TRAPPC9: variants seen among roughly 807,000 people sequenced by gnomAD.
TRAPPC9 encodes the protein IKK2 binding protein.
A neutral mutation model predicts 124.0 loss-of-function variants in TRAPPC9; 83 were observed. That is an observed-to-expected ratio of 0.67 (90% CI 0.56 to 0.80). TRAPPC9 has a LOEUF of 0.80. Ranked by LOEUF, TRAPPC9 falls within the 30% of genes least tolerant of loss-of-function variation. The probability of loss-of-function intolerance (pLI) is 0.00; values close to 1 mark genes in which losing one functional copy is unlikely to be tolerated. For missense variants in TRAPPC9, 1,302 were observed against 1,508.3 expected (o/e 0.86, Z 2.27); for synonymous variants, 638 against 617.5 (o/e 1.03, Z -0.49).
chr8:140,092,619 T>G (rs2130203203), intron 17 of TRAPPC9, among the ~76,000 whole-genome samples: 1 of 152,346 alleles, frequency 6.6e-6, no homozygotes, highest in Non-Finnish European at 1.5e-5. Flanking sequence ...AACCACAGAC[T>G]GACTGGCCCC....
intron 17 of TRAPPC9, among the ~76,000 whole-genome samples, chr8:140,219,830 A>C (rs776714728): frequency 6.6e-6 from 1 of 152,238 alleles, no homozygotes; most frequent in African/African-American, 2.4e-5. Context: ...GAGGGCCCCC[A>C]TGAGCCACTG....
intron 17 of TRAPPC9, among the ~76,000 whole-genome samples, chr8:140,043,626 G>C (rs920204274): frequency 7.9e-5 from 12 of 152,156 alleles, no homozygotes; most frequent in African/African-American, 2.7e-4. Flanking sequence ...CCAGCCTACA[G>C]CAGGGTCACC....
chr8:139,915,085 C>T (rs777282848), intron 19 of TRAPPC9, among the ~76,000 whole-genome samples: 3 of 152,202 alleles, frequency 2.0e-5, no homozygotes, highest in African/African-American at 4.8e-5. Flanking sequence ...GAACTGACGG[C>T]GAAGGCACCT....
At chr8:140,006,234 G>T (rs1838738958) in intron 18 of TRAPPC9, among the ~76,000 whole-genome samples, 1 of 152,140 alleles carries the variant, frequency 6.6e-6, no homozygotes, top group Non-Finnish European at 1.5e-5. Flanking sequence ...CATTATTGAA[G>T]ACAGTAAGGA....
chr8:140,261,560 G>A (rs1287710712), intron 15 of TRAPPC9, among the ~76,000 whole-genome samples: 1 of 152,198 alleles, frequency 6.6e-6, no homozygotes, highest in Admixed American at 6.5e-5. Flanking sequence ...AAGACTTGCT[G>A]TCCTAGTAGC....
intron 21 of TRAPPC9, among the ~76,000 whole-genome samples, chr8:139,756,723 G>T (rs1366409095): frequency 7.1e-5 from 9 of 126,262 alleles, no homozygotes; most frequent in African/African-American, 1.3e-4. Context: ...GAGGACAGCA[G>T]GTCGCAGGAG....
chr8:140,222,376 T>A (rs2131326989), intron 16 of TRAPPC9, among the ~76,000 whole-genome samples: 1 of 152,340 alleles, frequency 6.6e-6, no homozygotes, highest in East Asian at 1.9e-4. Flanking sequence ...TCTCTGCATC[T>A]CACGTCGCAT....
In TRAPPC9 at chr8:139,924,217, G is replaced by A. The variant is rs142775902; in HGVS notation, c.2811-13917C>T. ...TGAAGTGTTTTCTTGCTGTGAAGGT[G>A]AAGGACAATAATGCCAACCTGAGAG... On this transcript the variant is annotated intron_variant, in intron 19 of 22. Transcript: ENST00000438773. Among the ~76,000 whole-genome samples the A allele has an allele frequency of 3.3e-5, 5 of 152,330 alleles. No individual in the cohort carries two copies. In the East Asian group the frequency reaches 9.7e-4, roughly 29 times the overall value.
chr8:140,175,203 G>A (rs2062038901), intron 17 of TRAPPC9, among the ~76,000 whole-genome samples: 1 of 151,796 alleles, frequency 6.6e-6, no homozygotes, highest in African/African-American at 2.4e-5. Context: ...CAGCTAACAG[G>A]AAAATCAGCC....
chr8:140,279,525 TCCAAATCG>T (rs2065237610), intron 14 of TRAPPC9, among the ~76,000 whole-genome samples: 1 of 152,174 alleles, frequency 6.6e-6, no homozygotes, highest in Non-Finnish European at 1.5e-5. Context: ...ACATTTTAAC[TCCAAATCG>T]GTTCCACTGG....
At chr8:139,887,703 A>G (rs922022020) in intron 20 of TRAPPC9, among the ~76,000 whole-genome samples, 2 of 152,194 alleles carry the variant, frequency 1.3e-5, no homozygotes, top group Non-Finnish European at 2.9e-5. Flanking sequence ...AACCCTCCAG[A>G]AAGTGTGCAT....
intron 21 of TRAPPC9, among the ~76,000 whole-genome samples, chr8:139,831,210 G>A (rs1294430043): frequency 6.6e-6 from 1 of 152,144 alleles, no homozygotes; most frequent in Admixed American, 6.6e-5. Flanking sequence ...ACACATCTGG[G>A]GCAGAAGACA....
chr8:139,973,928 G>T (rs961454130), intron 19 of TRAPPC9, among the ~76,000 whole-genome samples: 1 of 152,128 alleles, frequency 6.6e-6, no homozygotes. Context: ...GGGCCACCTG[G>T]GAGGGAGAAA....
chr8:140,177,075 A>G (rs1451462850), intron 17 of TRAPPC9, among the ~76,000 whole-genome samples: 1 of 152,196 alleles, frequency 6.6e-6, no homozygotes, highest in Non-Finnish European at 1.5e-5. Flanking sequence ...TGTTTTGCAA[A>G]TACTTACTCC....
chr8:140,270,489 G>A (rs2064844269), intron 15 of TRAPPC9, among the ~76,000 whole-genome samples: 1 of 152,224 alleles, frequency 6.6e-6, no homozygotes, highest in South Asian at 2.1e-4. Context: ...CCTGGAAATA[G>A]AAGAGAAAAC....
intron 11 of TRAPPC9, 30 bp from the exon 12 acceptor site, chr8:140,291,108 A>T (rs1279216198): frequency 1.3e-6 from 2 of 1,588,774 alleles, no homozygotes; most frequent in Non-Finnish European, 1.7e-6. Context: ...AAATGAATCC[A>T]TGTATTAGTT....
chr8:139,828,383 G>A (rs934067825), intron 21 of TRAPPC9, among the ~76,000 whole-genome samples: 10 of 152,140 alleles, frequency 6.6e-5, no homozygotes, highest in Non-Finnish European at 1.2e-4. Flanking sequence ...TGGTCCCCAG[G>A]AGCTAATCTA....
At chr8:139,743,652 T>C (rs771942913) in intron 21 of TRAPPC9, among the ~76,000 whole-genome samples, 15 of 152,176 alleles carry the variant, frequency 9.9e-5, no homozygotes, top group Non-Finnish European at 1.9e-4. Flanking sequence ...ATAAGTTCTA[T>C]GGAGAAATAA....
chr8:139,760,008 G>A (rs895899256), intron 21 of TRAPPC9, among the ~76,000 whole-genome samples: 1 of 152,220 alleles, frequency 6.6e-6, no homozygotes, highest in Non-Finnish European at 1.5e-5. Flanking sequence ...ACCAGCACAC[G>A]CCCGTCATGT....
Sources: allele counts gnomAD v4.1 joint callset (sites outside exome capture counted in the v4.1 genomes callset), GRCh38; gene constraint gnomAD v4.1.1; transcripts MANE v1.5; gene names NCBI Gene and HGNC (gene_info 2026-07-23, HGNC 2026-07-21).